ZNF217: variants seen among roughly 807,000 people sequenced by gnomAD.
The protein encoded by ZNF217 is zinc finger protein 217.
ZNF217 carries 12 observed loss-of-function variants against 73.3 expected under a neutral mutation model. The ratio of observed to expected loss-of-function variants is 0.16; its 90% CI spans 0.10 to 0.27. The LOEUF is 0.27. Ranked by LOEUF, ZNF217 falls within the 10% of genes least tolerant of loss-of-function variation. The pLI is 1.00. For synonymous variants in ZNF217, 588 were observed against 516.4 expected, an observed-to-expected ratio of 1.14 and a Z score of -1.88; for missense variants, 1,195 against 1,327.8, an observed-to-expected ratio of 0.90 and a Z score of 1.55.
intron 1 of ZNF217, among the ~76,000 whole-genome samples, chr20:53,589,856 T>TA: frequency 6.6e-6 from 1 of 152,164 alleles, no homozygotes; most frequent in South Asian, 2.1e-4. Flanking sequence ...CTTTGTGTAA[T>TA]ACATTTTTTT....
intron 5 of ZNF217, 74 bp downstream of exon 5, chr20:53,571,647 T>C (rs1377956883): frequency 6.7e-7 from 1 of 1,490,304 alleles, no homozygotes; most frequent in Non-Finnish European, 8.9e-7. Context: ...TCTCAGGTGA[T>C]CCGCCCGCCC....
upstream of ZNF217, among the ~76,000 whole-genome samples, chr20:53,594,342 CCCCGCCCCCTGCCTTCACCGGCCG>C (rs1988997890): frequency 6.7e-6 from 1 of 149,582 alleles, no homozygotes; most frequent in Non-Finnish European, 1.5e-5. Context: ...TCACCGGCCG[CCCCGCCCCCTGCCTTCACCGGCCG>C]CCCGGCCACG....
rs751632645 is a variant in ZNF217 at position 53,582,411 on chromosome 20, A to C, written c.416T>G (p.Val139Gly). The change falls in exon 2 of 6, where the codon GTC becomes GGC. Residue 139 changes from valine (V) to glycine (G), a missense_variant. Physicochemically the swap from Val to Gly is moderately radical, Grantham distance 109 (BLOSUM62 -3). This residue lies in a region of ZNF217 where 147 missense variants were observed against 184.3 expected (regional missense o/e 0.80). Coordinates refer to ENST00000371471, the MANE Select transcript of ZNF217 (RefSeq NM_006526.3). The surrounding 1 kb of genome is among the most constrained non-coding windows in gnomAD (Gnocchi z 4.8). The part of the protein sequence containing the change: ...SCEVCGQTFR[V>G]AFDVEIHMRT... Reference sequence around the variant, plus strand: ...CATGTGGATCTCAACATCAAAAGCGACTCTAAATGTCTGCCCACATACCTC... The same window carrying C: ...CATGTGGATCTCAACATCAAAAGCGCCTCTAAATGTCTGCCCACATACCTC... 1 of 1,614,012 alleles carries C rather than the reference A, an allele frequency of 6.2e-7. No homozygotes were observed. The highest frequency in any genetic ancestry group is 1.1e-5 in the South Asian group (1 of 91,068).
intron 5 of ZNF217, 147 bp downstream of exon 5, chr20:53,571,574 T>A (rs1027650660): frequency 1.9e-6 from 2 of 1,040,204 alleles, no homozygotes; most frequent in Non-Finnish European, 2.6e-6. Context: ...CCAGCTAAAT[T>A]TGTGTATTTT....
chr20:53,580,317 A>C (rs777486940), intron 2 of ZNF217, among the ~76,000 whole-genome samples: 9 of 152,220 alleles, frequency 5.9e-5, no homozygotes, highest in Non-Finnish European at 1.0e-4. Context: ...GAAGAATTCA[A>C]GCACACAATC....
rs200350390 is a variant in ZNF217, at chr20:53,582,198, C to A, written c.629G>T (p.Ser210Ile). Residue 210 changes from serine (S) to isoleucine (I), a missense_variant, in exon 2 of 6, where the codon AGC becomes ATC. Ser to Ile is a moderately radical substitution (Grantham distance 142). This residue lies in a region of ZNF217 where 126 missense variants were observed against 114.4 expected (regional missense o/e 1.10). Coordinates refer to ENST00000371471, the MANE Select transcript of ZNF217 (RefSeq NM_006526.3). This position sits in a 1 kb window ranked among gnomAD's most constrained non-coding sequence, Gnocchi z 4.8. ...NEVVQVHAAE[S>I]ISSPYKICMV... is the part of the protein sequence containing the mutation. Reference sequence around the variant, plus strand: ...GCAGATTTTGTAAGGAGAGGAGATGCTCTCGGCCGCGTGCACCTGGACGAC... The same window carrying A: ...GCAGATTTTGTAAGGAGAGGAGATGATCTCGGCCGCGTGCACCTGGACGAC... 3.7e-6 allele frequency: 6 copies of A among 1,613,942 alleles called. No homozygotes were observed.
chr20:53,594,733 G>GGGCCCGC (rs1989009665), upstream of ZNF217, among the ~76,000 whole-genome samples: 1 of 152,102 alleles, frequency 6.6e-6, no homozygotes, highest in Non-Finnish European at 1.5e-5. Flanking sequence ...GCGAGGGGAG[G>GGGCCCGC]GGCCCGCGGC....
In ZNF217 at chr20:53,576,575, C is replaced by A; in HGVS notation, c.2189G>T (p.Arg730Ile). 1 of 1,614,194 alleles carries A rather than the reference C, an allele frequency of 6.2e-7. No homozygotes were observed. The highest frequency in any genetic ancestry group is 8.5e-7 in the Non-Finnish European group (1 of 1,180,022). ...GTCAGGATTGTATTTATGCTCCAGT[C>A]TCTGGTGCATCATTAAAACTTCTGG... The part of the protein sequence containing the change: ...FYPEVLMMHQ[R>I]LEHKYNPDVH... Residue 730 changes from arginine to isoleucine, a missense_variant, in exon 4 of 6, where the codon AGA becomes ATA. Transcript: ENST00000371471.
At chr20:53,573,787 A>G (rs1988120913) in intron 4 of ZNF217, among the ~76,000 whole-genome samples, 1 of 152,112 alleles carries the variant, frequency 6.6e-6, no homozygotes, top group Non-Finnish European at 1.5e-5. Context: ...TCATCTCTAC[A>G]CTGCTGGGCA....
intron 1 of ZNF217, among the ~76,000 whole-genome samples, chr20:53,590,975 T>C (rs1988858916): frequency 6.6e-6 from 1 of 152,106 alleles, no homozygotes; most frequent in Admixed American, 6.6e-5. Flanking sequence ...CAAAGAAAAA[T>C]GCAAATCTAC....
chr20:53,592,346 C>T (rs1161421355), intron 1 of ZNF217, among the ~76,000 whole-genome samples: 1 of 151,938 alleles, frequency 6.6e-6, no homozygotes, highest in Non-Finnish European at 1.5e-5. Flanking sequence ...GAACAATACA[C>T]CAAAGCCTTA....
rs781426699 is a variant in ZNF217, at chr20:53,576,636, T to C, written c.2128A>G (p.Ile710Val). The C allele has an allele frequency of 2.5e-6, 4 of 1,614,234 alleles. No homozygotes were observed. The highest frequency in any genetic ancestry group is 3.3e-5 in the Admixed American group (2 of 60,028). ...ISLSKSLIPS[I>V]TCPFCTFKTF... is the part of the protein sequence containing the mutation. ...TTGAAGGTACAAAATGGACAGGTGA[T>C]ACTTGGAATCAAACTTTTACTCAAA... Residue 710 changes from isoleucine (I) to valine (V), a missense_variant, in exon 4 of 6, where the codon ATC (isoleucine) becomes GTC (valine). Coordinates refer to ENST00000371471, the MANE Select transcript of ZNF217 (RefSeq NM_006526.3).
chr20:53,589,544 T>C (rs1177004319), intron 1 of ZNF217, among the ~76,000 whole-genome samples: 1 of 152,232 alleles, frequency 6.6e-6, no homozygotes, highest in East Asian at 1.9e-4. Context: ...GGAAGATAGA[T>C]GTGTACAAGA....
At chr20:53,571,338 A>G (rs911717811) in intron 5 of ZNF217, among the ~76,000 whole-genome samples, 5 of 151,662 alleles carry the variant, frequency 3.3e-5, no homozygotes, top group Non-Finnish European at 5.9e-5. Flanking sequence ...CTTAAAAGCA[A>G]TTTTGTTACA....
chr20:53,575,937 G>A lies in ZNF217; in HGVS notation c.2827C>T (p.Pro943Ser). 1 of 1,614,222 alleles carries A rather than the reference G, an allele frequency of 6.2e-7. No individual in the cohort carries two copies. Among genetic ancestry groups the A allele is most frequent in the African/African-American group, 1.3e-5 (1 of 75,044 alleles). Residue 943 changes from proline to serine, a missense_variant, in exon 4 of 6, where the codon CCC becomes TCC. Pro to Ser is a moderately conservative substitution (Grantham distance 74). Around this residue, in one of 9 missense-constraint regions of ZNF217, gnomAD observed 649 missense variants for 642.8 expected, o/e 1.01. Transcript: ENST00000371471. ...ATGCCTCTGACCATATGGTACTTGGGAAGGTCATAGCCTCTTCTGTAATTG... is the reference window on the plus strand; with the variant it reads ...ATGCCTCTGACCATATGGTACTTGGAAAGGTCATAGCCTCTTCTGTAATTG... ...GANYRRGYDL[P>S]KYHMVRGITS...
At position 53,577,119 on chromosome 20, in the gene ZNF217, C is replaced by T. The variant is rs753683781; in HGVS notation, c.1645G>A (p.Ala549Thr). ...AAATTTTTGGTTTGCGCACTGTCAG[C>T]GGTTAATAGTGCATCTTCAGTGTCC... ...NQDTEDALLT[A>T]DSAQTKNLKR... Residue 549 changes from alanine (A) to threonine (T), a missense_variant, in exon 4 of 6, where the codon GCT (alanine) becomes ACT (threonine). Coordinates refer to ENST00000371471, the MANE Select transcript of ZNF217 (RefSeq NM_006526.3). The T allele has an allele frequency of 6.2e-5, 100 of 1,614,142 alleles. No individual in the cohort carries two copies. The East Asian group carries it at 1.8e-3, about 29-fold the overall frequency.
At chr20:53,588,374 T>G (rs1465949023) in intron 1 of ZNF217, among the ~76,000 whole-genome samples, 1 of 152,084 alleles carries the variant, frequency 6.6e-6, no homozygotes, top group African/African-American at 2.4e-5. Flanking sequence ...AGTGAATTTT[T>G]AAAAACTTTA....
In ZNF217 at chr20:53,581,980, G is replaced by T. The variant is rs761427801; in HGVS notation, c.847C>A (p.Pro283Thr). Reference protein sequence around the residue: ...PKSHPETGKKPVRCIPQLDPF... With the variant: ...PKSHPETGKKTVRCIPQLDPF... Reference sequence around the variant, plus strand: ...TCGAGCTGAGGGATGCATCTGACAGGCTTCTTCCCCGTTTCAGGGTGAGAT... The same window carrying T: ...TCGAGCTGAGGGATGCATCTGACAGTCTTCTTCCCCGTTTCAGGGTGAGAT... Residue 283 changes from proline to threonine, a missense_variant, in exon 2 of 6, where the codon CCT becomes ACT. Physicochemically the swap from Pro to Thr is conservative, Grantham distance 38. Coordinates refer to ENST00000371471, the MANE Select transcript of ZNF217 (RefSeq NM_006526.3). This position sits in a 1 kb window ranked among gnomAD's most constrained non-coding sequence, Gnocchi z 4.9. 89 of 1,614,084 alleles carry T rather than the reference G, an allele frequency of 5.5e-5. No individual in the cohort carries two copies. Among genetic ancestry groups the T allele is most frequent in the Non-Finnish European group, 6.9e-5 (82 of 1,180,046 alleles).
rs760024765 is a variant in ZNF217, at chr20:53,575,944, A to G, written c.2820T>C (p.Tyr940=). 6.2e-7 allele frequency: 1 copy of G among 1,614,246 alleles called. No homozygotes were observed. Among genetic ancestry groups the G allele is most frequent in the Non-Finnish European group, 8.5e-7 (1 of 1,180,052 alleles). Reference sequence around the variant, plus strand: ...TGACCATATGGTACTTGGGAAGGTCATAGCCTCTTCTGTAATTGGCCCCGG... The same window carrying G: ...TGACCATATGGTACTTGGGAAGGTCGTAGCCTCTTCTGTAATTGGCCCCGG... ...DQPGANYRRG[Y]DLPKYHMVRG... Residue 940 remains tyrosine (Y), a synonymous_variant, in exon 4 of 6, where the codon TAT becomes TAC. Transcript: ENST00000371471.
Sources: gnomAD v4.1 joint callset for allele counts (sites outside exome capture counted in the v4.1 genomes callset) on GRCh38, gnomAD v4.1.1 for gene constraint, gnomAD v4.1.1 regional missense constraint, Gnocchi (gnomAD v3.1) non-coding constraint, MANE v1.5 for transcripts, NCBI Gene and HGNC (gene_info 2026-07-23, HGNC 2026-07-21) for gene names.